Variants in LARGE1 observed in about 807,000 individuals in gnomAD.
The protein encoded by LARGE1 is LARGE xylosyl- and glucuronyltransferase 1.
Under a neutral mutation model 87.6 loss-of-function variants are expected in LARGE1, and 43 were observed. The ratio of observed to expected loss-of-function variants is 0.49; its 90% confidence interval spans 0.38 to 0.63. The LOEUF (loss-of-function observed/expected upper bound fraction) is 0.63. LARGE1 is among the 30% of genes least tolerant of loss of function. The pLI is 0.00. For missense variants in LARGE1, 802 were observed against 1,000.2 expected, an observed-to-expected ratio of 0.80 and a Z score of 2.67; for synonymous variants, 434 against 394.6, an observed-to-expected ratio of 1.10 and a Z score of -1.18.
At chr22:33,386,661 G>A (rs896815038) in intron 7 of LARGE1, among the ~76,000 whole-genome samples, 2 of 148,828 alleles carry the variant, frequency 1.3e-5, no homozygotes, top group Non-Finnish European at 3.0e-5. Flanking sequence ...GAAATTGTTC[G>A]CCATAAATGT....
chr22:33,500,306 T>C (rs1220619347), intron 6 of LARGE1, among the ~76,000 whole-genome samples: 1 of 152,174 alleles, frequency 6.6e-6, no homozygotes, highest in African/African-American at 2.4e-5. Context: ...CAAAAGACCA[T>C]TCAATTTAAG....
In LARGE1 at chr22:33,429,567, T is replaced by C. The variant is rs550873379; in HGVS notation, c.892+2594A>G. On this transcript the variant is annotated intron_variant, in intron 7 of 14. Coordinates refer to ENST00000397394, the MANE Select transcript of LARGE1 (RefSeq NM_133642.5). ...TTCTTCTTCTCTCTGCAAACCCGGATTGATGACCAGCGGCTTTTGTTTTAC... is the reference window on the plus strand; with the variant it reads ...TTCTTCTTCTCTCTGCAAACCCGGACTGATGACCAGCGGCTTTTGTTTTAC... 2.0e-5 allele frequency among the ~76,000 whole-genome samples: 3 copies of C among 152,318 alleles called. 1 individual carries two copies. The highest frequency in any genetic ancestry group is 7.2e-5 in the African/African-American group (3 of 41,572).
In LARGE1 at chr22:33,277,595, G is replaced by A. The variant is rs180829428; in HGVS notation, c.1878-340C>T. On this transcript the variant is annotated intron_variant, in intron 13 of 14. Coordinates refer to ENST00000397394, the MANE Select transcript of LARGE1 (RefSeq NM_133642.5). The stretch of plus-strand genomic sequence containing the variant: ...TAGACATTGGGAGAGATTGGATGAC[G>A]GGTGCATCTATAAATCAAAGATTGC... Among the ~76,000 whole-genome samples the A allele has an allele frequency of 1.1e-3, 171 of 152,240 alleles. 1 individual carries two copies. Among genetic ancestry groups the A allele is most frequent in the African/African-American group, 3.8e-3 (159 of 41,530 alleles).
At chr22:33,900,988 A>G (rs752010394) in intron 1 of LARGE1, among the ~76,000 whole-genome samples, 49 of 152,164 alleles carry the variant, frequency 3.2e-4, no homozygotes, top group African/African-American at 1.1e-3. Flanking sequence ...CAGAGGTTGC[A>G]GTGAGCCGAG....
At chr22:33,239,225 G>A (rs1461498357) in intron 11 of LARGE1, among the ~76,000 whole-genome samples, 1 of 151,972 alleles carries the variant, frequency 6.6e-6, no homozygotes, top group Non-Finnish European at 1.5e-5. Context: ...TACATACCTA[G>A]TGAAATTGCT....
intron 1 of LARGE1, among the ~76,000 whole-genome samples, chr22:33,906,259 G>C (rs190639120): frequency 5.8e-4 from 88 of 152,302 alleles, no homozygotes; most frequent in African/African-American, 2.1e-3. Context: ...TTTCAGGGAA[G>C]GGCACATATG....
At chr22:33,152,361 A>G in the LARGE1 span, among the ~76,000 whole-genome samples, 3 of 152,202 alleles carry the variant, frequency 2.0e-5, no homozygotes, top group African/African-American at 7.2e-5. Context: ...CAGTGCTTCA[A>G]AGAATGTTTC....
chr22:33,215,555 G>C (rs1379707916), intron 11 of LARGE1, among the ~76,000 whole-genome samples: 1 of 152,182 alleles, frequency 6.6e-6, no homozygotes, highest in East Asian at 1.9e-4. Flanking sequence ...CTGATGAGTA[G>C]AAATTTCAAA....
At chr22:33,826,344 C>CTTTTTTT (rs35127990) in intron 1 of LARGE1, among the ~76,000 whole-genome samples, 2,164 of 137,794 alleles carry the variant, frequency 0.016, 55 homozygotes, top group African/African-American at 0.056. Flanking sequence ...CTTTGCATAC[C>CTTTTTTT]TTTTTTTTTT....
chr22:33,737,648 AAG>A (rs1352709574), intron 2 of LARGE1: 1 of 152,224 alleles, frequency 6.6e-6, no homozygotes, highest in African/African-American at 2.4e-5. Context: ...TCCAGGAGCA[AAG>A]AGTGAAAAGT....
chr22:33,712,904 T>A (rs975924634), intron 2 of LARGE1, among the ~76,000 whole-genome samples: 1 of 152,106 alleles, frequency 6.6e-6, no homozygotes, highest in Non-Finnish European at 1.5e-5. Flanking sequence ...ACAGAAGGTA[T>A]ATGGTAAGTA....
At chr22:33,197,923 G>T (rs568317964) in intron 11 of LARGE1, among the ~76,000 whole-genome samples, 2 of 149,762 alleles carry the variant, frequency 1.3e-5, no homozygotes, top group African/African-American at 4.9e-5. Flanking sequence ...CAGACATATG[G>T]ATCAATGCCA....
chr22:33,207,373 G>A (rs1457065430), intron 11 of LARGE1, among the ~76,000 whole-genome samples: 1 of 152,216 alleles, frequency 6.6e-6, no homozygotes, highest in Non-Finnish European at 1.5e-5. Context: ...CTATTTCAGT[G>A]CTTCCAGAGG....
chr22:33,920,932 C>T (rs2065930014), upstream of LARGE1, among the ~76,000 whole-genome samples: 1 of 148,224 alleles, frequency 6.7e-6, no homozygotes, highest in South Asian at 2.1e-4. Context: ...GGGGCGGGCG[C>T]TGGGGTCCGG....
chr22:33,379,754 G>A (rs889149120), intron 9 of LARGE1, among the ~76,000 whole-genome samples: 2 of 152,178 alleles, frequency 1.3e-5, no homozygotes, highest in Non-Finnish European at 2.9e-5. Context: ...ATTGATCAGT[G>A]GGGAAGTTCT....
chr22:33,626,299 C>T lies in LARGE1; in HGVS notation c.436G>A (p.Gly146Arg), dbSNP rs778113194. ...ETIHVAIVCA[G>R]YNASRDVVTL... ...ACGACATCCCGGCTGGCATTGTATC[C>T]GGCGCAGACAATAGCAACGTGGATT... The change falls in exon 4 of 15, where the codon GGA becomes AGA. Residue 146 changes from glycine (G) to arginine (R), a missense_variant. Transcript: ENST00000397394. 1.5e-5 allele frequency: 25 copies of T among 1,614,038 alleles called. No homozygotes were observed. The highest frequency in any genetic ancestry group is 1.8e-5 in the Non-Finnish European group (21 of 1,179,988).
At chr22:33,890,404 T>C (rs187737840) in intron 1 of LARGE1, among the ~76,000 whole-genome samples, 24 of 152,244 alleles carry the variant, frequency 1.6e-4, no homozygotes, top group Non-Finnish European at 2.6e-4. Flanking sequence ...AATGAGCTTT[T>C]CTTCATATTT....
intron 9 of LARGE1, among the ~76,000 whole-genome samples, chr22:33,362,117 G>T (rs1480011842): frequency 6.7e-6 from 1 of 149,310 alleles, no homozygotes; most frequent in Non-Finnish European, 1.5e-5. Flanking sequence ...CTGGTAAAGT[G>T]ATAAAAAGAT....
chr22:33,146,804 T>A, the LARGE1 span, among the ~76,000 whole-genome samples: 2 of 152,100 alleles, frequency 1.3e-5, no homozygotes, highest in Admixed American at 1.3e-4. Context: ...TGCATGGAAT[T>A]TTTACTTACA....
Sources: allele counts gnomAD v4.1 joint callset (sites outside exome capture counted in the v4.1 genomes callset), GRCh38; gene constraint gnomAD v4.1.1; transcripts MANE v1.5; gene names NCBI Gene and HGNC (gene_info 2026-07-23, HGNC 2026-07-21).